Variants in FRMD5 observed in about 807,000 individuals in gnomAD.
FRMD5 encodes FERM domain containing 5.
Under a neutral mutation model 69.0 loss-of-function variants are expected in FRMD5, and 20 were observed. The observed-to-expected ratio is 0.29, with a 90% CI of 0.20 to 0.42. The LOEUF (loss-of-function observed/expected upper bound fraction) is 0.42. FRMD5 is among the 10% of genes least tolerant of loss of function. The pLI is 1.00. For missense variants in FRMD5, 595 were observed against 708.6 expected (o/e 0.84, Z 1.82); for synonymous variants, 271 against 260.1 (o/e 1.04, Z -0.40).
At chr15:44,152,666 C>T (rs2077465548) in intron 1 of FRMD5, among the ~76,000 whole-genome samples, 1 of 152,108 alleles carries the variant, frequency 6.6e-6, no homozygotes, top group African/African-American at 2.4e-5. Context: ...TGGATGTCTA[C>T]TGATATTGCA....
chr15:43,926,290 A>C (rs931187126), intron 1 of FRMD5, among the ~76,000 whole-genome samples: 36 of 152,174 alleles, frequency 2.4e-4, no homozygotes, highest in African/African-American at 8.4e-4. Context: ...GCCTGTCCCC[A>C]GTGGTCTCTG....
intron 1 of FRMD5, among the ~76,000 whole-genome samples, chr15:44,125,951 T>C (rs954376436): frequency 6.6e-6 from 1 of 152,206 alleles, no homozygotes; most frequent in Non-Finnish European, 1.5e-5. Context: ...TAAAAAGCTT[T>C]TGAAAATGTA....
chr15:44,104,223 A>G (rs1273035151), intron 1 of FRMD5, among the ~76,000 whole-genome samples: 1 of 152,198 alleles, frequency 6.6e-6, no homozygotes, highest in African/African-American at 2.4e-5. Context: ...AGCTTATAGA[A>G]TATTTTTAAA....
intron 1 of FRMD5, among the ~76,000 whole-genome samples, chr15:44,024,375 A>G (rs1038991876): frequency 6.6e-6 from 1 of 152,150 alleles, no homozygotes; most frequent in African/African-American, 2.4e-5. Context: ...CCTTCACAAC[A>G]CCAGAGTGTT....
At chr15:44,051,346 T>C (rs757347493) in intron 1 of FRMD5, among the ~76,000 whole-genome samples, 1 of 142,444 alleles carries the variant, frequency 7.0e-6, no homozygotes, top group African/African-American at 2.6e-5. Flanking sequence ...GAGACGGGGT[T>C]TTACCAGGAG....
intron 1 of FRMD5, among the ~76,000 whole-genome samples, chr15:44,082,777 G>A (rs560445508): frequency 2.0e-5 from 3 of 152,056 alleles, no homozygotes; most frequent in East Asian, 3.9e-4. Flanking sequence ...TCACAGGCTT[G>A]GGAATGAAAG....
chr15:44,075,119 C>T (rs1893704594), intron 1 of FRMD5, among the ~76,000 whole-genome samples: 1 of 152,186 alleles, frequency 6.6e-6, no homozygotes, highest in Admixed American at 6.6e-5. Context: ...ATGTTTGCTT[C>T]TTCATTCCAC....
intron 1 of FRMD5, among the ~76,000 whole-genome samples, chr15:44,089,618 A>G (rs1035239855): frequency 6.6e-6 from 1 of 152,132 alleles, no homozygotes; most frequent in East Asian, 1.9e-4. Context: ...TGGGAGGATG[A>G]CTTGAGCCCA....
chr15:44,091,768 A>C (rs549219147), intron 1 of FRMD5, among the ~76,000 whole-genome samples: 2 of 152,034 alleles, frequency 1.3e-5, no homozygotes, highest in Non-Finnish European at 2.9e-5. Context: ...CTCTTATCTT[A>C]ATTTTCTTCC....
At chr15:44,167,664 A>G (rs958478690) in intron 1 of FRMD5, among the ~76,000 whole-genome samples, 1 of 151,818 alleles carries the variant, frequency 6.6e-6, no homozygotes, top group Admixed American at 6.6e-5. Flanking sequence ...ATCTTGGCTC[A>G]CTGCAACCTC....
chr15:44,116,888 C>T (rs2076876051), intron 1 of FRMD5, among the ~76,000 whole-genome samples: 1 of 151,844 alleles, frequency 6.6e-6, no homozygotes, highest in South Asian at 2.1e-4. Context: ...TCGAGACCAG[C>T]CTGGGCAACA....
intron 1 of FRMD5, 30 bp downstream of exon 1, chr15:44,194,923 G>A: frequency 6.7e-7 from 1 of 1,502,244 alleles, no homozygotes; most frequent in Non-Finnish European, 8.9e-7. Flanking sequence ...AGGGGGTCCC[G>A]CGGGCGGGGC....
intron 1 of FRMD5, among the ~76,000 whole-genome samples, chr15:44,178,159 T>TA (rs1481821856): frequency 2.6e-5 from 4 of 151,818 alleles, no homozygotes; most frequent in Non-Finnish European, 5.9e-5. Context: ...CTATCTCTAC[T>TA]AAAAACACAC....
intron 1 of FRMD5, among the ~76,000 whole-genome samples, chr15:44,028,007 G>A (rs1446016477): frequency 1.3e-5 from 2 of 152,062 alleles, no homozygotes; most frequent in Non-Finnish European, 2.9e-5. Flanking sequence ...ACACGTCACT[G>A]GCCAAAGAAA....
chr15:43,919,694 T>C (rs1462561598), intron 3 of FRMD5, 73 bp downstream of exon 3: 1 of 1,509,366 alleles, frequency 6.6e-7, no homozygotes, highest in Non-Finnish European at 9.2e-7. Flanking sequence ...AGATCAAAAC[T>C]TGAGATAAGT....
intron 1 of FRMD5, among the ~76,000 whole-genome samples, chr15:43,944,214 T>C (rs1011107239): frequency 6.6e-6 from 1 of 152,222 alleles, no homozygotes; most frequent in African/African-American, 2.4e-5. Flanking sequence ...GGGAACTCTA[T>C]AGAGTCCTGA....
chr15:44,005,333 T>C (rs1024362987), intron 1 of FRMD5, among the ~76,000 whole-genome samples: 2 of 151,880 alleles, frequency 1.3e-5, no homozygotes, highest in African/African-American at 4.8e-5. Context: ...CAGCCGGGCA[T>C]GGTGGCATGT....
chr15:44,135,525 T>C (rs1323544292), intron 1 of FRMD5, among the ~76,000 whole-genome samples: 1 of 152,110 alleles, frequency 6.6e-6, no homozygotes, highest in East Asian at 1.9e-4. Flanking sequence ...CTGACATCAG[T>C]TTTTAAATAA....
intron 1 of FRMD5, among the ~76,000 whole-genome samples, chr15:44,139,330 CTT>C (rs1036529228): frequency 4.0e-5 from 6 of 150,732 alleles, no homozygotes; most frequent in Non-Finnish European, 7.4e-5. Context: ...CACACACACA[CTT>C]TCTTTCATCT....
Sources: gnomAD v4.1 joint callset for allele counts (sites outside exome capture counted in the v4.1 genomes callset) on GRCh38, gnomAD v4.1.1 for gene constraint, MANE v1.5 for transcripts, NCBI Gene and HGNC (gene_info 2026-07-23, HGNC 2026-07-21) for gene names.